The following SLC9B1 variants were observed in gnomAD, a reference collection of about 807,000 sequenced individuals.
The protein encoded by SLC9B1 is solute carrier family 9 member B1, also known as sodium/hydrogen exchanger 9B1.
A neutral mutation model predicts 51.7 loss-of-function variants in SLC9B1; 32 were observed. The ratio of observed to expected loss-of-function variants is 0.62; its 90% CI spans 0.47 to 0.83. The LOEUF is 0.83. Ranked by LOEUF, SLC9B1 falls within the 40% of genes least tolerant of loss-of-function variation. The pLI, the probability that SLC9B1 is intolerant of heterozygous loss-of-function variation, is 0.00. For synonymous variants in SLC9B1, 145 were observed against 212.7 expected, an observed-to-expected ratio of 0.68 and a Z score of 2.77; for missense variants, 406 against 613.2, an observed-to-expected ratio of 0.66 and a Z score of 3.57.
chr4:103,003,457 C>T (rs1740628771), intron 1 of SLC9B1, among the ~76,000 whole-genome samples: 1 of 152,170 alleles, frequency 6.6e-6, no homozygotes, highest in South Asian at 2.1e-4. Flanking sequence ...GATCCATCAT[C>T]CTCAAAATAC....
intron 1 of SLC9B1, among the ~76,000 whole-genome samples, chr4:103,010,081 C>T (rs144882407): frequency 2.1e-4 from 32 of 152,242 alleles, no homozygotes; most frequent in African/African-American, 7.0e-4. Context: ...GATTTTAAAC[C>T]GTTTTCGGGT....
At chr4:102,974,241 TGA>T (rs1738924938) in intron 3 of SLC9B1, among the ~76,000 whole-genome samples, 2 of 16,776 alleles carry the variant, frequency 1.2e-4, no homozygotes, top group African/African-American at 3.7e-4. Flanking sequence ...TGTCTAAAAT[TGA>T]AAAAAAAAAA....
chr4:102,923,879 A>G lies in SLC9B1; in HGVS notation c.829+8245T>C, dbSNP rs112878040. On this transcript the variant is annotated intron_variant, in intron 7 of 11. Coordinates refer to ENST00000296422, the MANE Select transcript of SLC9B1 (RefSeq NM_139173.4). ...ATGAAGGACCTCTTCAAGGAGAACT[A>G]CAAACCACTTCTCAACGAAATAAAA... Among the ~76,000 whole-genome samples, 158 of 152,342 alleles carry G rather than the reference A, an allele frequency of 1.0e-3. 3 individuals carry two copies. Among genetic ancestry groups the G allele is most frequent in the African/African-American group, 3.7e-3 (154 of 41,588 alleles).
chr4:103,000,234 C>T (rs112075370), intron 1 of SLC9B1, among the ~76,000 whole-genome samples: 13 of 152,292 alleles, frequency 8.5e-5, no homozygotes, highest in South Asian at 2.1e-4. Context: ...CCTCCCAAAT[C>T]GCATGTCCTT....
chr4:102,937,041 G>A (rs1736755939), intron 6 of SLC9B1, among the ~76,000 whole-genome samples: 2 of 152,084 alleles, frequency 1.3e-5, no homozygotes, highest in Non-Finnish European at 2.9e-5. Context: ...ATCCCATCAG[G>A]CTAACAGTGG....
chr4:102,967,425 T>C (rs1738487195), intron 3 of SLC9B1, among the ~76,000 whole-genome samples: 1 of 152,168 alleles, frequency 6.6e-6, no homozygotes. Flanking sequence ...ACTGAGTAAT[T>C]TATAAAGAGG....
chr4:102,902,716 TA>T (rs1734847124), intron 11 of SLC9B1, among the ~76,000 whole-genome samples: 1 of 152,216 alleles, frequency 6.6e-6, no homozygotes, highest in African/African-American at 2.4e-5. Flanking sequence ...TATTAGATGA[TA>T]AATGATTTCC....
intron 3 of SLC9B1, among the ~76,000 whole-genome samples, chr4:102,977,196 T>C (rs147130049): frequency 3.2e-4 from 48 of 149,108 alleles, no homozygotes; most frequent in African/African-American, 1.2e-3. Context: ...GTGGAATTGA[T>C]AGGGCTTATA....
At chr4:102,896,313 C>T (rs762053581), downstream of SLC9B1, among the ~76,000 whole-genome samples, 17 of 152,120 alleles carry the variant, frequency 1.1e-4, no homozygotes, top group East Asian at 1.9e-4. Context: ...ACAAACCTGA[C>T]GAGATCATCC....
chr4:102,974,427 A>T (rs1738950277), intron 3 of SLC9B1, among the ~76,000 whole-genome samples: 1 of 152,032 alleles, frequency 6.6e-6, no homozygotes, highest in Non-Finnish European at 1.5e-5. Context: ...GGTAAGATTG[A>T]TTAATTAAAA....
intron 3 of SLC9B1, among the ~76,000 whole-genome samples, chr4:102,976,595 A>C (rs771600247): frequency 4.6e-5 from 7 of 152,248 alleles, no homozygotes; most frequent in Non-Finnish European, 1.0e-4. Flanking sequence ...ATAAGTGCCA[A>C]AGTAAAACTG....
intron 2 of SLC9B1, among the ~76,000 whole-genome samples, chr4:102,991,039 T>C (rs1360014406): frequency 3.9e-5 from 6 of 152,080 alleles, no homozygotes; most frequent in Non-Finnish European, 7.4e-5. Context: ...ATTTTAAGTT[T>C]TATTATTTTA....
intron 7 of SLC9B1, among the ~76,000 whole-genome samples, chr4:102,925,530 AC>A (rs1324205036): frequency 6.6e-6 from 1 of 152,122 alleles, no homozygotes; most frequent in Admixed American, 6.6e-5. Context: ...GTGCACATGT[AC>A]CCTAGAACTT....
intron 3 of SLC9B1, among the ~76,000 whole-genome samples, chr4:102,975,649 C>A (rs1346185328): frequency 8.0e-6 from 1 of 125,430 alleles, no homozygotes; most frequent in Admixed American, 1.0e-4. Context: ...CTCACTGCAA[C>A]CTCCGCCTCC....
intron 3 of SLC9B1, among the ~76,000 whole-genome samples, chr4:102,983,365 G>A (rs1739456195): frequency 6.6e-6 from 1 of 152,044 alleles, no homozygotes; most frequent in African/African-American, 2.4e-5. Flanking sequence ...GTTCTATAAT[G>A]TTTTTGCCAG....
chr4:102,941,658 A>G (rs1427646295), intron 6 of SLC9B1, among the ~76,000 whole-genome samples: 1 of 99,506 alleles, frequency 1.0e-5, no homozygotes, highest in Non-Finnish European at 2.0e-5. Context: ...AAAAAAAAAA[A>G]AAACCCGAGA....
At position 102,961,728 on chromosome 4, in the gene SLC9B1, A is replaced by T. The variant is rs1223447461; in HGVS notation, c.212-12301T>A. On this transcript the variant is annotated intron_variant, in intron 3 of 11. Transcript: ENST00000296422. The stretch of plus-strand genomic sequence containing the variant: ...TGATCCTTTAAAATATTCCTTTTTT[A>T]AAATTTATTGTACTTTAAGTTCTGG... Among the ~76,000 whole-genome samples, 7 of 152,214 alleles carry T rather than the reference A, an allele frequency of 4.6e-5. No individual in the cohort carries two copies. In the East Asian group the frequency reaches 1.3e-3, roughly 29 times the overall value.
intron 7 of SLC9B1, among the ~76,000 whole-genome samples, chr4:102,931,272 A>G (rs1736442196): frequency 6.6e-6 from 1 of 151,402 alleles, no homozygotes; most frequent in African/African-American, 2.4e-5. Flanking sequence ...TGATTTTTAT[A>G]AGAATATTTG....
chr4:102,983,084 T>C (rs3886722), intron 3 of SLC9B1, among the ~76,000 whole-genome samples: 1 of 151,856 alleles, frequency 6.6e-6, no homozygotes, highest in Admixed American at 6.6e-5. Flanking sequence ...GATAGTTTTT[T>C]ATTTTTAATC....
Sources: gnomAD v4.1 joint callset for allele counts (sites outside exome capture counted in the v4.1 genomes callset) on GRCh38, gnomAD v4.1.1 for gene constraint, MANE v1.5 for transcripts, NCBI Gene and HGNC (gene_info 2026-07-23, HGNC 2026-07-21) for gene names.